TSPAN5: variants seen among roughly 807,000 people sequenced by gnomAD.
TSPAN5 encodes tetraspanin-5.
Under a neutral mutation model 37.1 loss-of-function variants are expected in TSPAN5, and 10 were observed. That is an observed-to-expected ratio of 0.27 (90% CI 0.17 to 0.46). TSPAN5 has a LOEUF of 0.46. Among genes scored for constraint, TSPAN5 ranks in the 20% least tolerant of loss-of-function variants. The probability of loss-of-function intolerance (pLI) is 1.00; values close to 1 mark genes in which losing one functional copy is unlikely to be tolerated. For synonymous variants in TSPAN5, 110 were observed against 118.9 expected, an observed-to-expected ratio of 0.93 and a Z score of 0.48; for missense variants, 195 against 326.6, an observed-to-expected ratio of 0.60 and a Z score of 3.11.
chr4:98,510,390 G>A (rs944498363), intron 1 of TSPAN5, among the ~76,000 whole-genome samples: 1 of 152,180 alleles, frequency 6.6e-6, no homozygotes, highest in Non-Finnish European at 1.5e-5. Context: ...AGCAAGCAAA[G>A]GGGTGTGGAA....
At chr4:98,512,895 G>C (rs1578958187) in intron 1 of TSPAN5, among the ~76,000 whole-genome samples, 1 of 152,206 alleles carries the variant, frequency 6.6e-6, no homozygotes. Context: ...GAGAGAGAGA[G>C]AGTCCTCAAA....
intron 1 of TSPAN5, among the ~76,000 whole-genome samples, chr4:98,587,768 A>T (rs1755529191): frequency 6.6e-6 from 1 of 152,302 alleles, no homozygotes; most frequent in South Asian, 2.1e-4. Context: ...GCGTGCCTGT[A>T]GTCCCAGCTT....
rs146566426 is a variant in TSPAN5 at position 98,646,850 on chromosome 4, GC to G, written c.81+11295del. The stretch of plus-strand genomic sequence containing the variant: ...TTATGAGGAAAACAGTATAATAATT[GC>G]TAATACCTATTGACTATTCCAAGCA... On this transcript the variant is annotated intron_variant, in intron 1 of 7. Transcript: ENST00000305798. Among the ~76,000 whole-genome samples the G allele has an allele frequency of 0.012, 1,756 of 152,186 alleles. 284 individuals are homozygous for G. In the East Asian group the frequency reaches 0.32, roughly 28 times the overall value.
intron 1 of TSPAN5, among the ~76,000 whole-genome samples, chr4:98,519,460 T>C (rs1166959183): frequency 6.6e-6 from 1 of 152,026 alleles, no homozygotes; most frequent in African/African-American, 2.4e-5. Flanking sequence ...ATCACGTCAC[T>C]GCATTCTAGC....
At chr4:98,578,994 G>A (rs1321746682) in intron 1 of TSPAN5, among the ~76,000 whole-genome samples, 1 of 152,134 alleles carries the variant, frequency 6.6e-6, no homozygotes, top group African/African-American at 2.4e-5. Context: ...TAGCCTGTGT[G>A]CATTAAAACA....
At chr4:98,518,680 C>A (rs1753789464) in intron 1 of TSPAN5, among the ~76,000 whole-genome samples, 1 of 152,212 alleles carries the variant, frequency 6.6e-6, no homozygotes, top group Non-Finnish European at 1.5e-5. Flanking sequence ...GCAGAGAGAG[C>A]CAGACAAGGC....
chr4:98,490,955 G>A (rs1439878360), intron 2 of TSPAN5, among the ~76,000 whole-genome samples: 3 of 152,088 alleles, frequency 2.0e-5, no homozygotes, highest in East Asian at 1.9e-4. Flanking sequence ...CCAGCAACTC[G>A]GGAGGCTGAG....
chr4:98,629,620 G>A (rs1369606114), intron 1 of TSPAN5, among the ~76,000 whole-genome samples: 1 of 152,172 alleles, frequency 6.6e-6, no homozygotes. Flanking sequence ...AAAATGTAGT[G>A]ATTTCTCAAA....
At chr4:98,517,577 T>C (rs1232094519) in intron 1 of TSPAN5, among the ~76,000 whole-genome samples, 1 of 152,010 alleles carries the variant, frequency 6.6e-6, no homozygotes, top group African/African-American at 2.4e-5. Flanking sequence ...GACAGTCTTG[T>C]TTGCAAACTC....
chr4:98,613,025 C>T (rs1272593808), intron 1 of TSPAN5, among the ~76,000 whole-genome samples: 8 of 152,148 alleles, frequency 5.3e-5, no homozygotes, highest in South Asian at 2.1e-4. Flanking sequence ...TCCTCACAGA[C>T]GTACACACCA....
At chr4:98,507,181 G>A (rs571319626) in intron 2 of TSPAN5, among the ~76,000 whole-genome samples, 1 of 152,260 alleles carries the variant, frequency 6.6e-6, no homozygotes, top group Non-Finnish European at 1.5e-5. Flanking sequence ...AATGATGAGT[G>A]TATTTGATAC....
At chr4:98,650,344 G>A (rs1396595835) in intron 1 of TSPAN5, among the ~76,000 whole-genome samples, 1 of 152,130 alleles carries the variant, frequency 6.6e-6, no homozygotes, top group African/African-American at 2.4e-5. Flanking sequence ...GTATCTCAGG[G>A]AGAAAGGTAT....
rs1412816463 is a variant in TSPAN5, at chr4:98,564,096, A to G, written c.82-56368T>C. The stretch of plus-strand genomic sequence containing the variant: ...TTAAATGGGAGACAGTTATCACACT[A>G]TATTGAAGAAATGGGCAACAATTTC... On this transcript the variant is annotated intron_variant, in intron 1 of 7. Transcript: ENST00000305798. 4.6e-5 allele frequency among the ~76,000 whole-genome samples: 7 copies of G among 152,330 alleles called. No homozygotes were observed. In the East Asian group the frequency reaches 1.3e-3, roughly 29 times the overall value.
chr4:98,601,742 CT>C (rs1755887366), intron 1 of TSPAN5, among the ~76,000 whole-genome samples: 1 of 152,190 alleles, frequency 6.6e-6, no homozygotes, highest in African/African-American at 2.4e-5. Flanking sequence ...ATAACTTTTC[CT>C]TTGTATTCAC....
At chr4:98,572,050 T>G (rs909881481) in intron 1 of TSPAN5, among the ~76,000 whole-genome samples, 1 of 152,196 alleles carries the variant, frequency 6.6e-6, no homozygotes, top group Non-Finnish European at 1.5e-5. Context: ...CCTGGCTCAC[T>G]GCAACCTCTG....
At chr4:98,502,614 G>A (rs1392084438) in intron 2 of TSPAN5, among the ~76,000 whole-genome samples, 1 of 152,178 alleles carries the variant, frequency 6.6e-6, no homozygotes, top group Admixed American at 6.5e-5. Context: ...AAAGTGCTAG[G>A]TTCAGTTAAG....
intron 1 of TSPAN5, among the ~76,000 whole-genome samples, chr4:98,615,360 C>T (rs576974942): frequency 2.6e-5 from 4 of 152,330 alleles, no homozygotes; most frequent in African/African-American, 9.6e-5. Flanking sequence ...ATTGTTCCCA[C>T]CTTTAAGGTT....
intron 1 of TSPAN5, among the ~76,000 whole-genome samples, chr4:98,509,528 G>A (rs1255966074): frequency 1.9e-4 from 29 of 152,288 alleles, no homozygotes; most frequent in East Asian, 1.9e-4. Flanking sequence ...AATACATTCT[G>A]AGCCCTATAC....
At chr4:98,592,423 TTTTTG>T (rs1188941942) in intron 1 of TSPAN5, among the ~76,000 whole-genome samples, 6 of 97,940 alleles carry the variant, frequency 6.1e-5, no homozygotes, top group African/African-American at 2.3e-4. Flanking sequence ...GGATCTCTGT[TTTTTG>T]TTTTTTTTTT....
Sources: gnomAD v4.1 joint callset for allele counts (sites outside exome capture counted in the v4.1 genomes callset) on GRCh38, gnomAD v4.1.1 for gene constraint, MANE v1.5 for transcripts, NCBI Gene and HGNC (gene_info 2026-07-23, HGNC 2026-07-21) for gene names.